SGCZ: variants seen among roughly 807,000 people sequenced by gnomAD.
The protein encoded by SGCZ is zeta-sarcoglycan.
A neutral mutation model predicts 41.3 loss-of-function variants in SGCZ; 40 were observed. The ratio of observed to expected loss-of-function variants is 0.97; its 90% CI spans 0.75 to 1.26. The LOEUF (loss-of-function observed/expected upper bound fraction) is 1.26. Ranked by LOEUF, SGCZ falls within the 50% of genes most tolerant of loss-of-function variation. The probability of loss-of-function intolerance (pLI) is 0.00; values close to 1 mark genes in which losing one functional copy is unlikely to be tolerated. For missense variants in SGCZ, 552 were observed against 369.8 expected (o/e 1.49, Z -4.04); for synonymous variants, 206 against 137.5 (o/e 1.50, Z -3.49).
chr8:14,398,898 G>C (rs1798994200), intron 2 of SGCZ, among the ~76,000 whole-genome samples: 1 of 151,688 alleles, frequency 6.6e-6, no homozygotes, highest in African/African-American at 2.4e-5. Context: ...TGTTTCTTTG[G>C]GCCTGATAAT....
At chr8:14,952,965 T>C (rs1437234516) in intron 1 of SGCZ, among the ~76,000 whole-genome samples, 1 of 151,934 alleles carries the variant, frequency 6.6e-6, no homozygotes, top group Non-Finnish European at 1.5e-5. Context: ...AAGAGAAAAA[T>C]ATCTCGGGTG....
At chr8:14,604,572 G>C (rs1462232124) in intron 1 of SGCZ, among the ~76,000 whole-genome samples, 1 of 152,070 alleles carries the variant, frequency 6.6e-6, no homozygotes, top group African/African-American at 2.4e-5. Flanking sequence ...ACTACATGTT[G>C]CAATGAGGTG....
chr8:14,873,618 G>C (rs564295008), intron 1 of SGCZ, among the ~76,000 whole-genome samples: 2 of 152,084 alleles, frequency 1.3e-5, no homozygotes, highest in Non-Finnish European at 2.9e-5. Flanking sequence ...CTCATCAGTA[G>C]AACAGAGTAT....
chr8:14,591,455 G>A (rs1585106292), intron 1 of SGCZ, among the ~76,000 whole-genome samples: 1 of 151,906 alleles, frequency 6.6e-6, no homozygotes, highest in Admixed American at 6.6e-5. Flanking sequence ...AGGCTTAATT[G>A]AAAAGGTACA....
chr8:15,132,259 A>G (rs1807936922), intron 1 of SGCZ, among the ~76,000 whole-genome samples: 1 of 152,214 alleles, frequency 6.6e-6, no homozygotes, highest in Non-Finnish European at 1.5e-5. Flanking sequence ...CACATTCCTC[A>G]GACCCGCAGC....
At chr8:14,940,974 C>CAA (rs150721086) in intron 1 of SGCZ, among the ~76,000 whole-genome samples, 3 of 150,816 alleles carry the variant, frequency 2.0e-5, no homozygotes, top group African/African-American at 7.3e-5. Flanking sequence ...CTGTTGTATG[C>CAA]AAAAAAAAGC....
intron 1 of SGCZ, among the ~76,000 whole-genome samples, chr8:15,118,502 T>C (rs913630561): frequency 1.2e-4 from 18 of 152,144 alleles, no homozygotes; most frequent in African/African-American, 4.3e-4. Flanking sequence ...TTCCAGTCAT[T>C]TCTTTTCTCC....
intron 4 of SGCZ, among the ~76,000 whole-genome samples, chr8:14,191,748 A>C (rs1462127420): frequency 6.6e-6 from 1 of 152,184 alleles, no homozygotes; most frequent in African/African-American, 2.4e-5. Flanking sequence ...GAAACATCAT[A>C]CAAATGTTTT....
intron 2 of SGCZ, among the ~76,000 whole-genome samples, chr8:14,459,913 A>T (rs147840455): frequency 6.6e-6 from 1 of 152,164 alleles, no homozygotes; most frequent in East Asian, 1.9e-4. Context: ...GTCAAGCCAT[A>T]AAAAGACAAG....
At chr8:15,108,594 T>C (rs1806925428) in intron 1 of SGCZ, among the ~76,000 whole-genome samples, 1 of 152,160 alleles carries the variant, frequency 6.6e-6, no homozygotes, top group Admixed American at 6.6e-5. Flanking sequence ...ATAAGAGTTT[T>C]TAGAAAGTAC....
chr8:14,669,048 C>T (rs977913053), intron 1 of SGCZ, among the ~76,000 whole-genome samples: 1 of 151,884 alleles, frequency 6.6e-6, no homozygotes, highest in African/African-American at 2.4e-5. Context: ...TAGAGGTCCA[C>T]AACTGGCCAG....
intron 2 of SGCZ, among the ~76,000 whole-genome samples, chr8:14,359,316 A>G (rs929796556): frequency 2.0e-5 from 3 of 152,142 alleles, no homozygotes; most frequent in South Asian, 2.1e-4. Flanking sequence ...CATTGAGTAC[A>G]CTATCCAGAC....
chr8:15,146,452 C>T (rs1186701351), intron 1 of SGCZ, among the ~76,000 whole-genome samples: 1 of 152,170 alleles, frequency 6.6e-6, no homozygotes, highest in Non-Finnish European at 1.5e-5. Flanking sequence ...TGGCATACTA[C>T]AGCCTCAAAG....
chr8:14,961,296 T>C (rs1800959366), intron 1 of SGCZ, among the ~76,000 whole-genome samples: 1 of 152,150 alleles, frequency 6.6e-6, no homozygotes, highest in South Asian at 2.1e-4. Context: ...TGACCTGTTG[T>C]TTACTGTAGA....
intron 2 of SGCZ, among the ~76,000 whole-genome samples, chr8:14,506,502 T>TA (rs79155085): frequency 0.47 from 70,526 of 149,398 alleles, 16,634 homozygotes; most frequent in East Asian, 0.65. Context: ...CTTATTCATT[T>TA]AAAAAAAAAA....
At chr8:14,166,167 T>C (rs1383671661) in intron 4 of SGCZ, among the ~76,000 whole-genome samples, 2 of 152,166 alleles carry the variant, frequency 1.3e-5, no homozygotes, top group African/African-American at 4.8e-5. Flanking sequence ...GTTAAACTTT[T>C]GGGCTGTAAA....
intron 1 of SGCZ, among the ~76,000 whole-genome samples, chr8:14,642,729 T>G (rs541433236): frequency 2.6e-5 from 4 of 151,502 alleles, no homozygotes; most frequent in Non-Finnish European, 5.9e-5. Context: ...AATTTGTTGG[T>G]CAGATTTATA....
intron 4 of SGCZ, among the ~76,000 whole-genome samples, chr8:14,196,280 A>G (rs899094265): frequency 1.4e-5 from 2 of 138,428 alleles, no homozygotes; most frequent in African/African-American, 5.1e-5. Context: ...TTTTTTTTTT[A>G]AAGACGGAGT....
intron 2 of SGCZ, among the ~76,000 whole-genome samples, chr8:14,412,268 T>G (rs1301403713): frequency 6.6e-6 from 1 of 152,034 alleles, no homozygotes; most frequent in Non-Finnish European, 1.5e-5. Flanking sequence ...TCAAACAATA[T>G]TTTAGACCCT....
Sources: gnomAD v4.1 joint callset for allele counts (sites outside exome capture counted in the v4.1 genomes callset) on GRCh38, gnomAD v4.1.1 for gene constraint, MANE v1.5 for transcripts, NCBI Gene and HGNC (gene_info 2026-07-23, HGNC 2026-07-21) for gene names.